The following CACNG7 variants were observed in gnomAD, a reference collection of about 807,000 sequenced individuals.
CACNG7 encodes voltage-dependent calcium channel gamma-7 subunit.
CACNG7 carries 9 observed loss-of-function variants against 26.3 expected under a neutral mutation model. That is an observed-to-expected ratio of 0.34 (90% CI 0.21 to 0.60). The LOEUF is 0.60. CACNG7 is among the 20% of genes least tolerant of loss of function. CACNG7 has a pLI of 0.81. For missense variants in CACNG7, 297 were observed against 380.4 expected, an observed-to-expected ratio of 0.78 and a Z score of 1.82; for synonymous variants, 170 against 157.0, an observed-to-expected ratio of 1.08 and a Z score of -0.62.
chr19:53,935,634 C>CTTTTTTTTTTTTT lies in CACNG7; in HGVS notation c.425-5825_425-5813dup. Among the ~76,000 whole-genome samples, 45 of 42,258 alleles carry CTTTTTTTTTTTTT rather than the reference C, an allele frequency of 1.1e-3. 5 individuals are homozygous for CTTTTTTTTTTTTT. The highest frequency in any genetic ancestry group is 2.6e-3 in the South Asian group (2 of 772). 27.7% of individuals were successfully genotyped at this position (42,258 alleles called of 152,430 possible). On this transcript the variant is annotated intron_variant, in intron 4 of 5. Transcript: ENST00000391767. ...CACCGCCCCCACCCTCCAATACTGTCTTTTTTTTTTTTTTTTTTTTTTTGA... is the reference window on the plus strand; with the variant it reads ...CACCGCCCCCACCCTCCAATACTGTCTTTTTTTTTTTTTTTTTTTTTTTTTTTTTTTTTTTTGA...
Position 53,939,723 on chromosome 19 carries a change from C to T in CACNG7, c.425-1747C>T, listed in dbSNP as rs954294972. Among the ~76,000 whole-genome samples the T allele has an allele frequency of 4.6e-5, 7 of 152,222 alleles. No individual in the cohort carries two copies. The highest frequency in any genetic ancestry group is 7.3e-5 in the Non-Finnish European group (5 of 68,030). On this transcript the variant is annotated intron_variant, in intron 4 of 5. Transcript: ENST00000391767. This position sits in a 1 kb window ranked among gnomAD's most constrained non-coding sequence, Gnocchi z 4.2. ...TCCGCTTTTTGGCTATTACGCATAA[C>T]GCTGTTACAAACATCCGTGTATGCG... is the stretch of plus-strand genomic sequence containing the variant.
intron 4 of CACNG7, among the ~76,000 whole-genome samples, chr19:53,920,992 C>CCCCAGGCTGGTCATTGGTGGAGTCGT (rs2068943407): frequency 2.5e-5 from 2 of 78,788 alleles, no homozygotes; most frequent in Non-Finnish European, 4.6e-5. Context: ...GGTGGAGTTG[C>CCCCAGGCTGGTCATTGGTGGAGTCGT]CCCAGGCTGG....
At chr19:53,928,965 C>T (rs993871444) in intron 4 of CACNG7, among the ~76,000 whole-genome samples, 2 of 151,610 alleles carry the variant, frequency 1.3e-5, no homozygotes, top group African/African-American at 2.4e-5. Flanking sequence ...AAAAATTAGC[C>T]GGGCATGGTG....
chr19:53,913,129 G>C (rs1000309496), intron 2 of CACNG7, 102 bp downstream of exon 2: 20 of 1,050,600 alleles, frequency 1.9e-5, no homozygotes, highest in Non-Finnish European at 2.0e-5. Flanking sequence ...ATCCAGAAAC[G>C]GATCCTGATT....
Position 53,933,182 on chromosome 19 carries a change from ACTGCAACCTCCACCTCCTGGGTT to A in CACNG7, c.425-8263_425-8241del, listed in dbSNP as rs577563526. Among the ~76,000 whole-genome samples, 1,231 of 151,534 alleles carry A rather than the reference ACTGCAACCTCCACCTCCTGGGTT, an allele frequency of 8.1e-3. 17 individuals are homozygous for A. The highest frequency in any genetic ancestry group is 0.028 in the African/African-American group (1,154 of 41,216). ...GAGTGCAGTGGTGCAATCTCGGCTC[ACTGCAACCTCCACCTCCTGGGTT>A]CTGCAACCTCCACCTCCTGGGTTCA... On this transcript the variant is annotated intron_variant, in intron 4 of 5. Coordinates refer to ENST00000391767, the MANE Select transcript of CACNG7 (RefSeq NM_031896.5).
rs1312604507 is a variant in CACNG7 at position 53,912,435 on chromosome 19, T to C, written c.-29-368T>C. 6.6e-6 allele frequency among the ~76,000 whole-genome samples: 1 copy of C among 152,200 alleles called. No homozygotes were observed. Among genetic ancestry groups the C allele is most frequent in the Non-Finnish European group, 1.5e-5 (1 of 68,036 alleles). ...GGTTCTGGGGTTAAGAAGCTCAAAT[T>C]AGAATTTCTGCTCGGAGTCACAGTA... On this transcript the variant is annotated intron_variant, in intron 1 of 5. Coordinates refer to ENST00000391767, the MANE Select transcript of CACNG7 (RefSeq NM_031896.5). The surrounding 1 kb of genome is among the most constrained non-coding windows in gnomAD (Gnocchi z 4.6).
intron 4 of CACNG7, among the ~76,000 whole-genome samples, chr19:53,917,382 C>T (rs181777984): frequency 9.6e-4 from 146 of 152,292 alleles, no homozygotes; most frequent in African/African-American, 3.3e-3. Context: ...CTGGGGCCGG[C>T]ACTCAGCTCC....
chr19:53,916,487 CTTTTTTTTT>C, intron 4 of CACNG7, among the ~76,000 whole-genome samples: 1 of 95,440 alleles, frequency 1.0e-5, no homozygotes, highest in East Asian at 2.9e-4. Flanking sequence ...TTCTTTCTTT[CTTTTTTTTT>C]TTTTTTTTTT....
chr19:53,941,940 G>A (rs2145921697), intron 5 of CACNG7, 96 bp from the exon 6 acceptor site: 1 of 1,409,422 alleles, frequency 7.1e-7, no homozygotes, highest in African/African-American at 1.4e-5. Flanking sequence ...AGGGGCTTGG[G>A]GTGGGGACTC....
intron 4 of CACNG7, among the ~76,000 whole-genome samples, chr19:53,920,751 G>GT (rs569582747): frequency 3.8e-5 from 4 of 104,026 alleles, no homozygotes; most frequent in South Asian, 3.2e-4. Context: ...TGGTGGAGTT[G>GT]CCCCAGGTCT....
chr19:53,931,229 C>T (rs1209119799), intron 4 of CACNG7, among the ~76,000 whole-genome samples: 2 of 152,122 alleles, frequency 1.3e-5, no homozygotes, highest in African/African-American at 4.8e-5. Context: ...ATAATACATT[C>T]GTCTACGTAA....
chr19:53,918,348 G>A (rs2068911732), intron 4 of CACNG7, among the ~76,000 whole-genome samples: 1 of 152,234 alleles, frequency 6.6e-6, no homozygotes, highest in Non-Finnish European at 1.5e-5. Flanking sequence ...CTTGGCCACT[G>A]TAGTACAAAA....
intron 4 of CACNG7, among the ~76,000 whole-genome samples, chr19:53,921,009 G>A (rs2068943750): frequency 1.2e-5 from 1 of 85,630 alleles, no homozygotes; most frequent in Non-Finnish European, 2.2e-5. Context: ...CTGGTCATTG[G>A]TGGAGTTGCC....
intron 4 of CACNG7, among the ~76,000 whole-genome samples, chr19:53,921,570 G>A (rs1416727666): frequency 2.7e-4 from 36 of 131,328 alleles, no homozygotes; most frequent in Non-Finnish European, 4.3e-4. Flanking sequence ...CTGGTCATTG[G>A]TGGAGTTGCC....
Position 53,920,976 on chromosome 19 carries a change from G to T in CACNG7, c.424+5471G>T, listed in dbSNP as rs1441879955. On this transcript the variant is annotated intron_variant, in intron 4 of 5. Coordinates refer to ENST00000391767, the MANE Select transcript of CACNG7 (RefSeq NM_031896.5). Reference sequence around the variant, plus strand: ...TCATTGGTGGACTTGCCCCAGGCTGGTCATTGGTGGAGTTGCCCCAGGCTG... The same window carrying T: ...TCATTGGTGGACTTGCCCCAGGCTGTTCATTGGTGGAGTTGCCCCAGGCTG... Among the ~76,000 whole-genome samples, 18 of 92,542 alleles carry T rather than the reference G, an allele frequency of 1.9e-4. 1 individual carries two copies. Among genetic ancestry groups the T allele is most frequent in the Admixed American group, 1.7e-3 (18 of 10,302 alleles). 60.7% of individuals were successfully genotyped at this position (92,542 alleles called of 152,430 possible). A position where few individuals can be genotyped will look rare whatever the true frequency, so the allele number is the denominator to read the frequency against.
intron 4 of CACNG7, among the ~76,000 whole-genome samples, chr19:53,918,236 G>T (rs142926528): frequency 6.6e-6 from 1 of 152,340 alleles, no homozygotes; most frequent in Non-Finnish European, 1.5e-5. Flanking sequence ...ATCTTGATCA[G>T]TGGTTGGCAA....
At chr19:53,922,066 C>T (rs28547056) in intron 4 of CACNG7, among the ~76,000 whole-genome samples, 2,748 of 66,590 alleles carry the variant, frequency 0.041, 583 homozygotes, top group Non-Finnish European at 0.064. Flanking sequence ...GGTGGAGTTG[C>T]CCCAGGTCTG....
chr19:53,923,845 C>G (rs866732487), intron 4 of CACNG7, among the ~76,000 whole-genome samples: 1 of 95,080 alleles, frequency 1.1e-5, no homozygotes, highest in African/African-American at 5.1e-5. Context: ...GGTGGAGTTG[C>G]CCCAGGCCTG....
chr19:53,943,212 C>G lies in CACNG7; in HGVS notation c.*919C>G, dbSNP rs553031972. ...CTCCGCACCTGTGCCCGCCTCTCCCCCCTCGAGGCCCCGTCGAGGGAGGGA... is the reference window on the plus strand; with the variant it reads ...CTCCGCACCTGTGCCCGCCTCTCCCGCCTCGAGGCCCCGTCGAGGGAGGGA... On this transcript the variant is annotated 3_prime_UTR_variant, in exon 6 of 6. Transcript: ENST00000391767. The G allele has an allele frequency of 6.6e-6, 1 of 152,274 alleles. No individual in the cohort carries two copies. Among genetic ancestry groups the G allele is most frequent in the African/African-American group, 2.4e-5 (1 of 41,552 alleles). The allele number at this position is 152,274 out of a possible 1,614,324, so 9.4% of individuals were successfully genotyped here. A position where few individuals can be genotyped will look rare whatever the true frequency, so the allele number is the denominator to read the frequency against.
Sources: gnomAD v4.1 joint callset for allele counts (sites outside exome capture counted in the v4.1 genomes callset) on GRCh38, gnomAD v4.1.1 for gene constraint, Gnocchi (gnomAD v3.1) non-coding constraint, MANE v1.5 for transcripts, NCBI Gene and HGNC (gene_info 2026-07-23, HGNC 2026-07-21) for gene names.